ACYP2: variants seen among roughly 807,000 people sequenced by gnomAD.
ACYP2 encodes the protein acylphosphatase 2, also known as acylphosphatase-2.
In ACYP2, 12 loss-of-function variants were observed where a neutral mutation model predicts 11.2. The ratio of observed to expected loss-of-function variants is 1.08; its 90% CI spans 0.69 to 1.74. The LOEUF (loss-of-function observed/expected upper bound fraction) is 1.74, where lower values mean the gene tolerates loss of function less well. ACYP2 is among the 40% of genes most tolerant of loss of function. The pLI, the probability that ACYP2 is intolerant of heterozygous loss-of-function variation, is 0.00. For synonymous variants in ACYP2, 43 were observed against 32.2 expected, an observed-to-expected ratio of 1.33 and a Z score of -1.13; for missense variants, 134 against 101.9, an observed-to-expected ratio of 1.31 and a Z score of -1.35.
At chr2:54,266,452 C>T (rs1007128432) in intron 6 of ACYP2, among the ~76,000 whole-genome samples, 3 of 151,896 alleles carry the variant, frequency 2.0e-5, no homozygotes, top group Non-Finnish European at 2.9e-5. Context: ...CAAATTACAT[C>T]CTTATCACAA....
intron 2 of ACYP2, among the ~76,000 whole-genome samples, chr2:54,026,993 A>T (rs1049878402): frequency 2.6e-5 from 4 of 152,204 alleles, no homozygotes; most frequent in Admixed American, 6.5e-5. Flanking sequence ...AAAACCTCAG[A>T]AATCACCACT....
chr2:54,032,507 C>A (rs150528039), intron 2 of ACYP2, among the ~76,000 whole-genome samples: 62 of 152,184 alleles, frequency 4.1e-4, no homozygotes, highest in Non-Finnish European at 8.1e-4. Context: ...GTACCAGTAC[C>A]ATGCTGCTTT....
intron 2 of ACYP2, among the ~76,000 whole-genome samples, chr2:54,014,014 C>G (rs148746490): frequency 6.6e-6 from 1 of 151,956 alleles, no homozygotes; most frequent in South Asian, 2.1e-4. Flanking sequence ...AAACATTAGC[C>G]GGGAGTGGTG....
intron 6 of ACYP2, among the ~76,000 whole-genome samples, chr2:54,170,452 C>T (rs1214778043): frequency 1.3e-5 from 2 of 152,166 alleles, no homozygotes; most frequent in Non-Finnish European, 2.9e-5. Context: ...CACGCCTGGC[C>T]AGTTCATTTC....
intron 2 of ACYP2, among the ~76,000 whole-genome samples, chr2:54,022,669 G>T (rs1017775260): frequency 6.6e-6 from 1 of 152,072 alleles, no homozygotes; most frequent in African/African-American, 2.4e-5. Flanking sequence ...GGCATGAGCC[G>T]CTGTGCCAGG....
intron 6 of ACYP2, among the ~76,000 whole-genome samples, chr2:54,169,438 A>G (rs1326798659): frequency 6.6e-6 from 1 of 152,096 alleles, no homozygotes; most frequent in Non-Finnish European, 1.5e-5. Context: ...AATGTGATAA[A>G]CAATCCTCAG....
rs532029766 is a variant in ACYP2 at position 53,972,248 on chromosome 2, T to A, written c.-37+927T>A. Among the ~76,000 whole-genome samples the A allele has an allele frequency of 2.8e-3, 420 of 148,726 alleles. 4 individuals are homozygous for A. The highest frequency in any genetic ancestry group is 5.1e-3 in the Non-Finnish European group (345 of 67,498). On this transcript the variant is annotated intron_variant, in intron 1 of 6. Transcript: ENST00000607452. ...TCGCTTGAAACCGGAAGGCGGAGGT[T>A]GCAGTGAGCCAAGATCGCGCCAGGG...
At chr2:54,062,784 G>A (rs75370811) in intron 4 of ACYP2, among the ~76,000 whole-genome samples, 4,089 of 152,244 alleles carry the variant, frequency 0.027, 177 homozygotes, top group African/African-American at 0.091. Context: ...AAGTAAACTC[G>A]TAGAATTTTA....
At chr2:53,989,044 G>A (rs766192705) in intron 2 of ACYP2, among the ~76,000 whole-genome samples, 4 of 150,466 alleles carry the variant, frequency 2.7e-5, no homozygotes, top group Non-Finnish European at 4.4e-5. Context: ...CACCACGCCC[G>A]GCCTGTAATT....
At chr2:53,972,059 C>T (rs1377107235) in intron 1 of ACYP2, among the ~76,000 whole-genome samples, 2 of 152,240 alleles carry the variant, frequency 1.3e-5, no homozygotes, top group Admixed American at 6.5e-5. Flanking sequence ...CCTGTAATCC[C>T]AGCACTTTGG....
intron 6 of ACYP2, among the ~76,000 whole-genome samples, chr2:54,219,388 A>G (rs1244275680): frequency 4.6e-5 from 7 of 152,202 alleles, no homozygotes; most frequent in Non-Finnish European, 1.0e-4. Context: ...AGATTGGAAA[A>G]TAAGTTGAGA....
chr2:54,011,048 C>A (rs548165889), intron 2 of ACYP2, among the ~76,000 whole-genome samples: 21 of 152,016 alleles, frequency 1.4e-4, no homozygotes, highest in Non-Finnish European at 1.5e-5. Context: ...CTAAAAGACA[C>A]GTCACATTAT....
At chr2:54,134,814 T>C (rs1189085339) in intron 4 of ACYP2, among the ~76,000 whole-genome samples, 39 of 152,366 alleles carry the variant, frequency 2.6e-4, no homozygotes, top group Admixed American at 2.5e-3. Flanking sequence ...CTGTGGATAG[T>C]GTAGAACCCT....
chr2:54,061,482 C>T (rs1390355742), intron 4 of ACYP2, among the ~76,000 whole-genome samples: 1 of 152,148 alleles, frequency 6.6e-6, no homozygotes, highest in East Asian at 1.9e-4. Flanking sequence ...ACTAAAGTTG[C>T]TGATGATGTT....
chr2:54,049,109 A>T (rs1221263808), intron 2 of ACYP2, among the ~76,000 whole-genome samples: 1 of 152,052 alleles, frequency 6.6e-6, no homozygotes, highest in East Asian at 1.9e-4. Context: ...AAAAATACAA[A>T]AATTAACCAG....
At chr2:54,172,880 CCTTT>C (rs1683275866) in intron 6 of ACYP2, among the ~76,000 whole-genome samples, 1 of 152,208 alleles carries the variant, frequency 6.6e-6, no homozygotes, top group Non-Finnish European at 1.5e-5. Flanking sequence ...ATGAACTCAT[CCTTT>C]CTTATGGCTG....
chr2:54,105,366 A>G (rs1355200548), intron 4 of ACYP2, among the ~76,000 whole-genome samples: 4 of 151,934 alleles, frequency 2.6e-5, no homozygotes, highest in African/African-American at 9.7e-5. Context: ...AAGTTCTCCC[A>G]CCTTTCTTCT....
At chr2:54,201,636 C>CTTTCTTTGTTTCTCTTTCTT (rs59874821) in intron 6 of ACYP2, among the ~76,000 whole-genome samples, 7 of 93,692 alleles carry the variant, frequency 7.5e-5, no homozygotes, top group African/African-American at 2.5e-4. Context: ...TTCTTTCTTT[C>CTTTCTTTGTTTCTCTTTCTT]TCTTTCTTTC....
intron 5 of ACYP2, among the ~76,000 whole-genome samples, chr2:54,137,795 C>G (rs912869274): frequency 6.6e-6 from 1 of 152,054 alleles, no homozygotes; most frequent in African/African-American, 2.4e-5. Context: ...TGGGTATATA[C>G]CCAATAATGG....
Sources: gnomAD v4.1 joint callset for allele counts (sites outside exome capture counted in the v4.1 genomes callset) on GRCh38, gnomAD v4.1.1 for gene constraint, MANE v1.5 for transcripts, NCBI Gene and HGNC (gene_info 2026-07-23, HGNC 2026-07-21) for gene names.